BTK: variants seen among roughly 807,000 people sequenced by gnomAD.
The protein encoded by BTK is Bruton tyrosine kinase.
A neutral mutation model predicts 57.4 loss-of-function variants in BTK; 5 were observed. That is an observed-to-expected ratio of 0.09 (90% CI 0.05 to 0.18). The LOEUF (loss-of-function observed/expected upper bound fraction) is 0.18, where lower values mean the gene tolerates loss of function less well. BTK is among the 10% of genes least tolerant of loss of function. The pLI is 1.00. For missense variants in BTK, 194 were observed against 501.2 expected, an observed-to-expected ratio of 0.39 and a Z score of 5.85; for synonymous variants, 154 against 174.3, an observed-to-expected ratio of 0.88 and a Z score of 0.92.
At chrX:101,390,422 T>C (rs781964193), upstream of BTK, 4 of 505,121 alleles carry the variant, frequency 7.9e-6, no homozygotes, top group African/African-American at 9.2e-5. Flanking sequence ...TTGTTCCTTT[T>C]CTTCAAAGTA....
At chrX:101,378,724 T>C (rs1391534515) in intron 1 of BTK, among the ~76,000 whole-genome samples, 1 of 111,625 alleles carries the variant, frequency 9.0e-6, no homozygotes, top group Non-Finnish European at 1.9e-5. Context: ...CAGCTCCCTA[T>C]GGAGCAACAG....
intron 1 of BTK, among the ~76,000 whole-genome samples, chrX:101,382,736 C>T (rs373759332): frequency 8.9e-6 from 1 of 111,956 alleles, no homozygotes; most frequent in East Asian, 2.8e-4. Flanking sequence ...TCAATATTCT[C>T]CCTCTGCTCT....
upstream of BTK, among the ~76,000 whole-genome samples, chrX:101,389,341 T>C (rs1927713296): frequency 8.9e-6 from 1 of 111,744 alleles, no homozygotes; most frequent in Non-Finnish European, 1.9e-5. Flanking sequence ...CTAAGGTTGA[T>C]TAAATGAAGA....
At chrX:101,368,088 C>T (rs916567628) in intron 5 of BTK, among the ~76,000 whole-genome samples, 5 of 111,872 alleles carry the variant, frequency 4.5e-5, no homozygotes, top group African/African-American at 1.3e-4. Flanking sequence ...ATTTACCAAC[C>T]GAGGGCCTTT....
intron 8 of BTK, 141 bp downstream of exon 8, chrX:101,360,427 C>T: frequency 1.5e-6 from 1 of 685,139 alleles, no homozygotes; most frequent in African/African-American, 2.1e-5. Context: ...CTGGGAAGTA[C>T]TTGGAGGGAG....
At chrX:101,377,499 C>T (rs782212136) in intron 1 of BTK, among the ~76,000 whole-genome samples, 14 of 111,120 alleles carry the variant, frequency 1.3e-4, no homozygotes, top group African/African-American at 4.6e-4. Flanking sequence ...TTCTCTTAGC[C>T]GAATAAATCG....
At chrX:101,370,674 AT>A (rs1204394867) in intron 4 of BTK, among the ~76,000 whole-genome samples, 3 of 112,000 alleles carry the variant, frequency 2.7e-5, no homozygotes, top group African/African-American at 9.7e-5. Context: ...GTCAAATAGT[AT>A]TTTTTTAACC....
Position 101,356,150 on chromosome X carries a change from G to A in BTK, c.1468C>T (p.Arg490Cys), listed in dbSNP as rs868978699. The change falls in exon 15 of 19, where the codon CGC becomes TGC. Residue 490 changes from arginine to cysteine, a missense_variant. Transcript: ENST00000308731. ...AGCTGCTGAGTCTGGAAGCGGTGGC[G>A]CATCTCCCTCAGGTAGTTCAGGAGG... Reference protein sequence around the residue: ...GCLLNYLREMRHRFQTQQLLE... With the variant: ...GCLLNYLREMCHRFQTQQLLE... 1 of 1,211,158 alleles carries A rather than the reference G, an allele frequency of 8.3e-7. No homozygotes were observed. The highest frequency in any genetic ancestry group is 1.1e-6 in the Non-Finnish European group (1 of 895,295).
intron 1 of BTK, among the ~76,000 whole-genome samples, chrX:101,378,231 G>A (rs1249670208): frequency 2.5e-4 from 28 of 110,491 alleles, no homozygotes; most frequent in Non-Finnish European, 5.3e-4. Context: ...TTACAGGCGT[G>A]TGCCACCACA....
intron 15 of BTK, among the ~76,000 whole-genome samples, chrX:101,354,927 G>A (rs1555977635): frequency 8.9e-6 from 1 of 111,997 alleles, no homozygotes; most frequent in Admixed American, 9.4e-5. Context: ...CATACAGAAC[G>A]ATTGCATTCT....
At chrX:101,385,419 G>A (rs1555982366) in intron 1 of BTK, among the ~76,000 whole-genome samples, 1 of 112,273 alleles carries the variant, frequency 8.9e-6, no homozygotes, top group Non-Finnish European at 1.9e-5. Flanking sequence ...GGCTGAGGCA[G>A]AGGCTGCTTT....
At chrX:101,367,246 GAAAAA>G (rs10632421) in intron 5 of BTK, among the ~76,000 whole-genome samples, 1 of 91,023 alleles carries the variant, frequency 1.1e-5, no homozygotes, top group Non-Finnish European at 2.2e-5. Flanking sequence ...TCCATATCAA[GAAAAA>G]AAAAAAAGAA....
intron 3 of BTK, among the ~76,000 whole-genome samples, chrX:101,373,889 C>T (rs782570198): frequency 7.3e-5 from 8 of 109,155 alleles, no homozygotes; most frequent in African/African-American, 1.3e-4. Flanking sequence ...TAAAAAAATA[C>T]GAAAAATTAG....
chrX:101,361,046 T>C (rs1926654603), intron 7 of BTK, among the ~76,000 whole-genome samples: 1 of 110,112 alleles, frequency 9.1e-6, no homozygotes, highest in South Asian at 3.9e-4. Flanking sequence ...CGAAACCCCA[T>C]CTCTACTAAA....
upstream of BTK, among the ~76,000 whole-genome samples, chrX:101,388,605 G>A (rs898736981): frequency 5.4e-5 from 6 of 112,071 alleles, no homozygotes; most frequent in Non-Finnish European, 1.1e-4. Flanking sequence ...TGATCACCTG[G>A]TGTGAGAAGC....
chrX:101,385,957 A>G (rs1927598140), intron 1 of BTK, 105 bp downstream of exon 1: 1 of 110,713 alleles, frequency 9.0e-6, no homozygotes, highest in Non-Finnish European at 1.9e-5. Context: ...AGCCTCCTCC[A>G]CTAGCTGATA....
chrX:101,374,181 T>C, intron 3 of BTK: 1 of 226,156 alleles, frequency 4.4e-6, no homozygotes, highest in South Asian at 7.1e-5. Flanking sequence ...TATTAAAGGA[T>C]ATCATGTGAC....
intron 15 of BTK, chrX:101,355,668 A>G (rs902162050): frequency 9.5e-6 from 2 of 209,860 alleles, no homozygotes; most frequent in African/African-American, 2.8e-5. Flanking sequence ...CATGTGGGCC[A>G]AATGCATCCA....
intron 1 of BTK, among the ~76,000 whole-genome samples, chrX:101,379,909 G>A (rs1280827862): frequency 9.0e-6 from 1 of 111,612 alleles, no homozygotes; most frequent in Non-Finnish European, 1.9e-5. Flanking sequence ...GTCTTGCCAG[G>A]TTTTCTTACA....
Sources: gnomAD v4.1 joint callset for allele counts (sites outside exome capture counted in the v4.1 genomes callset) on GRCh38, gnomAD v4.1.1 for gene constraint, MANE v1.5 for transcripts, NCBI Gene and HGNC (gene_info 2026-07-23, HGNC 2026-07-21) for gene names.